The following PACRG variants were observed in gnomAD, a reference collection of about 807,000 sequenced individuals.
The protein encoded by PACRG is parkin coregulated, also known as parkin coregulated gene protein.
In PACRG, 29 loss-of-function variants were observed where a neutral mutation model predicts 29.7. That is an observed-to-expected ratio of 0.98 (90% confidence interval 0.73 to 1.33). PACRG has a LOEUF of 1.33. Among genes scored for constraint, PACRG ranks in the 40% most tolerant of loss-of-function variants. The pLI is 0.00. For missense variants in PACRG, 279 were observed against 316.2 expected (o/e 0.88, Z 0.89); for synonymous variants, 116 against 118.7 (o/e 0.98, Z 0.15).
At chr6:162,783,612 A>G (rs1784250782) in intron 1 of PACRG, among the ~76,000 whole-genome samples, 1 of 152,054 alleles carries the variant, frequency 6.6e-6, no homozygotes, top group Admixed American at 6.6e-5. Context: ...TCTATGTGGA[A>G]AGCATTTAAT....
intron 2 of PACRG, among the ~76,000 whole-genome samples, chr6:162,819,054 A>T (rs1318180659): frequency 6.6e-6 from 1 of 152,192 alleles, no homozygotes; most frequent in African/African-American, 2.4e-5. Flanking sequence ...GTCCTTGTCC[A>T]GAGTAGCAGA....
At chr6:162,868,619 C>T (rs962548960) in intron 2 of PACRG, among the ~76,000 whole-genome samples, 1 of 152,098 alleles carries the variant, frequency 6.6e-6, no homozygotes, top group Non-Finnish European at 1.5e-5. Context: ...AGGTGAGATC[C>T]CTACTCACAG....
intron 1 of PACRG, among the ~76,000 whole-genome samples, chr6:162,769,539 A>T (rs544947642): frequency 2.0e-4 from 31 of 152,052 alleles, no homozygotes; most frequent in Admixed American, 1.3e-3. Flanking sequence ...CCTCGTCTAT[A>T]GGGATAGTAT....
intron 4 of PACRG, among the ~76,000 whole-genome samples, chr6:163,100,072 A>G (rs187025360): frequency 0.019 from 2,824 of 152,066 alleles, 38 homozygotes; most frequent in Admixed American, 0.029. Flanking sequence ...CGGGAGTGAC[A>G]CAGGAGCCGT....
chr6:163,106,749 C>T (rs1054340314), intron 4 of PACRG, among the ~76,000 whole-genome samples: 7 of 152,182 alleles, frequency 4.6e-5, no homozygotes, highest in Non-Finnish European at 8.8e-5. Flanking sequence ...TATCCTGAAG[C>T]ATGGAGTTCT....
intron 4 of PACRG, among the ~76,000 whole-genome samples, chr6:163,290,829 G>T (rs1243002648): frequency 6.6e-6 from 1 of 152,200 alleles, no homozygotes; most frequent in Non-Finnish European, 1.5e-5. Flanking sequence ...AATGAAATCG[G>T]ATGCGCATGA....
chr6:162,947,352 T>TG (rs1562765672), intron 2 of PACRG, among the ~76,000 whole-genome samples: 97 of 5,858 alleles, frequency 0.017, 4 homozygotes, highest in African/African-American at 0.021. Flanking sequence ...AATGATTACA[T>TG]ATATATAATG....
intron 3 of PACRG, among the ~76,000 whole-genome samples, chr6:163,079,915 T>TTTTA (rs1812920421): frequency 6.8e-6 from 1 of 146,134 alleles, no homozygotes; most frequent in Admixed American, 6.9e-5. Context: ...TTTTTTTTTT[T>TTTTA]GAGATGGAGT....
At chr6:163,266,601 C>G (rs11751619) in intron 4 of PACRG, among the ~76,000 whole-genome samples, 24,959 of 152,188 alleles carry the variant, frequency 0.16, 2,439 homozygotes, top group Middle Eastern at 0.24. Flanking sequence ...CCTCCTTCTC[C>G]TGATTTTTTT....
In PACRG at chr6:162,747,669, C is replaced by T. The variant is rs544380850; in HGVS notation, c.156+19278C>T. 9.3e-5 allele frequency among the ~76,000 whole-genome samples: 14 copies of T among 151,132 alleles called. No individual in the cohort carries two copies. The South Asian group carries it at 2.7e-3, about 29-fold the overall frequency. ...GCAGGGAAAGCCAGAATCAACCAAT[C>T]AACCAGATTGAGCGAGCCAGGATAG... On this transcript the variant is annotated intron_variant, in intron 1 of 4. Coordinates refer to ENST00000366888, the MANE Select transcript of PACRG (RefSeq NM_001080379.2).
chr6:163,142,757 C>G (rs1777599261), intron 4 of PACRG, among the ~76,000 whole-genome samples: 1 of 152,192 alleles, frequency 6.6e-6, no homozygotes, highest in Admixed American at 6.5e-5. Context: ...TTCCCAGAGC[C>G]TTGCTATGTG....
Position 163,045,209 on chromosome 6 carries a change from C to T in PACRG, c.292-16941C>T, listed in dbSNP as rs1809207242. On this transcript the variant is annotated intron_variant, in intron 2 of 4. Transcript: ENST00000366888. Reference sequence around the variant, plus strand: ...AGGGCACTGGCTCAGGTCTTCCCTCCTCTGTGGCCAGCAGAGGGGCACGAG... The same window carrying T: ...AGGGCACTGGCTCAGGTCTTCCCTCTTCTGTGGCCAGCAGAGGGGCACGAG... Among the ~76,000 whole-genome samples the T allele has an allele frequency of 2.0e-5, 3 of 152,226 alleles. No homozygotes were observed. In the South Asian group the frequency reaches 6.2e-4, roughly 32 times the overall value.
At chr6:163,281,045 G>A (rs1009689199) in intron 4 of PACRG, among the ~76,000 whole-genome samples, 1 of 152,132 alleles carries the variant, frequency 6.6e-6, no homozygotes, top group Non-Finnish European at 1.5e-5. Flanking sequence ...ACTGAGATGA[G>A]CAAGATGGGT....
chr6:163,002,952 T>A (rs541908204), intron 2 of PACRG, among the ~76,000 whole-genome samples: 2 of 152,152 alleles, frequency 1.3e-5, no homozygotes, highest in Non-Finnish European at 2.9e-5. Context: ...ATTGAGAATT[T>A]TCATGTCCAA....
At chr6:163,048,999 G>A (rs1809705686) in intron 2 of PACRG, among the ~76,000 whole-genome samples, 1 of 151,998 alleles carries the variant, frequency 6.6e-6, no homozygotes. Flanking sequence ...TAGGTCCATT[G>A]AGTCAAACTT....
intron 2 of PACRG, among the ~76,000 whole-genome samples, chr6:162,961,442 C>T (rs1311569538): frequency 3.9e-5 from 6 of 152,170 alleles, no homozygotes; most frequent in Non-Finnish European, 2.9e-5. Flanking sequence ...ATCTATAACT[C>T]CAACCTTGTA....
chr6:163,290,895 G>C (rs947457816), intron 4 of PACRG, among the ~76,000 whole-genome samples: 2 of 152,178 alleles, frequency 1.3e-5, no homozygotes, highest in African/African-American at 4.8e-5. Context: ...GTAGGGTTGC[G>C]TCGGTGGGGC....
chr6:162,973,599 C>G (rs1801704892), intron 2 of PACRG, among the ~76,000 whole-genome samples: 1 of 152,138 alleles, frequency 6.6e-6, no homozygotes, highest in African/African-American at 2.4e-5. Context: ...TCCCTTCTAC[C>G]AGTTTTTTCT....
chr6:162,793,214 G>A (rs1017206188), intron 1 of PACRG, among the ~76,000 whole-genome samples: 1 of 152,000 alleles, frequency 6.6e-6, no homozygotes, highest in Non-Finnish European at 1.5e-5. Flanking sequence ...GTTCTTTTTT[G>A]TTGTCTTTTA....
Sources: allele counts gnomAD v4.1 joint callset (sites outside exome capture counted in the v4.1 genomes callset), GRCh38; gene constraint gnomAD v4.1.1; transcripts MANE v1.5; gene names NCBI Gene and HGNC (gene_info 2026-07-23, HGNC 2026-07-21).